Variants in PPP3CA observed in about 807,000 individuals in gnomAD.
PPP3CA encodes the protein CAM-PRP catalytic subunit.
Under a neutral mutation model 66.5 loss-of-function variants are expected in PPP3CA, and 14 were observed. The observed-to-expected ratio is 0.21, with a 90% CI of 0.14 to 0.33. The LOEUF (loss-of-function observed/expected upper bound fraction) is 0.33. Ranked by LOEUF, PPP3CA falls within the 10% of genes least tolerant of loss-of-function variation. PPP3CA has a pLI of 1.00. For synonymous variants in PPP3CA, 232 were observed against 226.2 expected (o/e 1.03, Z -0.23); for missense variants, 317 against 639.5 (o/e 0.50, Z 5.44).
At chr4:101,079,555 T>G (rs867920731) in intron 8 of PPP3CA, among the ~76,000 whole-genome samples, 14 of 151,574 alleles carry the variant, frequency 9.2e-5, no homozygotes, top group Non-Finnish European at 1.8e-4. Context: ...ATTTTTTGTG[T>G]TTTTTTTAGT....
At chr4:101,105,157 TCTTTTTTTTC>T (rs1214039200) in intron 3 of PPP3CA, among the ~76,000 whole-genome samples, 5 of 151,812 alleles carry the variant, frequency 3.3e-5, no homozygotes, top group Non-Finnish European at 7.4e-5. Context: ...CGTCTTTTTT[TCTTTTTTTTC>T]CTTTTTTTTT....
chr4:101,169,019 T>C (rs1318304312), intron 2 of PPP3CA, among the ~76,000 whole-genome samples: 2 of 152,174 alleles, frequency 1.3e-5, no homozygotes, highest in East Asian at 3.9e-4. Flanking sequence ...GAAACAATAA[T>C]AAAGCTACTT....
At chr4:101,094,337 T>C (rs1185024271) in intron 5 of PPP3CA, among the ~76,000 whole-genome samples, 1 of 152,192 alleles carries the variant, frequency 6.6e-6, no homozygotes, top group African/African-American at 2.4e-5. Flanking sequence ...TTTGGGAAAA[T>C]TCCTATTACT....
At chr4:101,085,986 T>G (rs1037420452) in intron 6 of PPP3CA, among the ~76,000 whole-genome samples, 3 of 152,146 alleles carry the variant, frequency 2.0e-5, no homozygotes, top group Non-Finnish European at 2.9e-5. Context: ...CAGTGATGAT[T>G]GTTCCATTTG....
chr4:101,047,762 C>T (rs758817908), intron 10 of PPP3CA, among the ~76,000 whole-genome samples: 6 of 151,922 alleles, frequency 3.9e-5, no homozygotes, highest in Non-Finnish European at 8.8e-5. Context: ...TTTGTCACTA[C>T]ATTATATGTT....
At chr4:101,027,093 C>T (rs1726690876) in intron 13 of PPP3CA, among the ~76,000 whole-genome samples, 2 of 152,122 alleles carry the variant, frequency 1.3e-5, no homozygotes, top group Admixed American at 1.3e-4. Flanking sequence ...TGGTGAGCTG[C>T]AAATAAAACA....
chr4:101,261,359 T>C lies in PPP3CA; in HGVS notation c.59-65243A>G, dbSNP rs149105743. On this transcript the variant is annotated intron_variant, in intron 1 of 13. Transcript: ENST00000394854. ...ATACCATAAAAGAAGGCAACATATC[T>C]AGCACTGAGCACTCCAGACTCAAAT... 8.2e-3 allele frequency among the ~76,000 whole-genome samples: 1,252 copies of C among 152,186 alleles called. 12 individuals carry two copies. The highest frequency in any genetic ancestry group is 0.02 in the Middle Eastern group (6 of 294).
intron 1 of PPP3CA, among the ~76,000 whole-genome samples, chr4:101,253,845 A>G (rs1726754032): frequency 6.6e-6 from 1 of 152,030 alleles, no homozygotes; most frequent in South Asian, 2.1e-4. Context: ...CCTCTCTTTT[A>G]CGATGCTCCT....
intron 10 of PPP3CA, among the ~76,000 whole-genome samples, chr4:101,041,584 A>T (rs1261111292): frequency 6.6e-6 from 1 of 151,804 alleles, no homozygotes; most frequent in East Asian, 1.9e-4. Flanking sequence ...GGCATGTGCC[A>T]CCAGGCCCAG....
intron 1 of PPP3CA, among the ~76,000 whole-genome samples, chr4:101,212,853 C>T (rs529927691): frequency 7.7e-4 from 117 of 151,934 alleles, no homozygotes; most frequent in Non-Finnish European, 1.3e-3. Flanking sequence ...AAAAAAAAAT[C>T]TGGGTGGGCA....
chr4:101,131,559 T>C (rs1722440361), intron 2 of PPP3CA, among the ~76,000 whole-genome samples: 1 of 152,048 alleles, frequency 6.6e-6, no homozygotes, highest in East Asian at 1.9e-4. Context: ...CTAACTATCC[T>C]AAATATATAT....
chr4:101,093,510 C>T (rs767028245), intron 6 of PPP3CA, among the ~76,000 whole-genome samples: 2 of 151,754 alleles, frequency 1.3e-5, no homozygotes, highest in Non-Finnish European at 2.9e-5. Context: ...TAATGACTTG[C>T]TTTATTGCAA....
intron 2 of PPP3CA, among the ~76,000 whole-genome samples, chr4:101,153,737 G>A (rs1290257298): frequency 6.6e-6 from 1 of 152,124 alleles, no homozygotes; most frequent in African/African-American, 2.4e-5. Context: ...CTAGCAAAAA[G>A]GAATTTTATG....
intron 6 of PPP3CA, among the ~76,000 whole-genome samples, chr4:101,092,530 G>T (rs1366782584): frequency 6.6e-6 from 1 of 151,310 alleles, no homozygotes; most frequent in African/African-American, 2.4e-5. Context: ...GCGGTTTGTT[G>T]CACCCATCAA....
intron 6 of PPP3CA, among the ~76,000 whole-genome samples, chr4:101,085,268 C>T (rs1298085802): frequency 6.6e-6 from 1 of 152,126 alleles, no homozygotes; most frequent in Non-Finnish European, 1.5e-5. Context: ...GTCTTGTTAC[C>T]ACTGTCAGAC....
intron 1 of PPP3CA, among the ~76,000 whole-genome samples, chr4:101,283,945 T>C (rs988430526): frequency 2.6e-5 from 4 of 152,200 alleles, no homozygotes; most frequent in Non-Finnish European, 4.4e-5. Context: ...AGTTTACATT[T>C]AAATTAATTA....
chr4:101,300,063 G>A lies in PPP3CA; in HGVS notation c.58+46676C>T, dbSNP rs148424280. Among the ~76,000 whole-genome samples, 13 of 152,258 alleles carry A rather than the reference G, an allele frequency of 8.5e-5. 1 individual carries two copies. The highest frequency in any genetic ancestry group is 4.2e-4 in the South Asian group (2 of 4,818). ...CAGAAACATAGTCTACTAAGAAGGC[G>A]GGGTGGAGGAAGTAAATAAGCAGAT... On this transcript the variant is annotated intron_variant, in intron 1 of 13. Transcript: ENST00000394854.
chr4:101,227,934 GTGTTTATT>G (rs1472144587), intron 1 of PPP3CA, among the ~76,000 whole-genome samples: 7 of 151,634 alleles, frequency 4.6e-5, no homozygotes, highest in Non-Finnish European at 2.9e-5. Context: ...GTATTCCATG[GTGTTTATT>G]TATCACATTT....
chr4:101,325,436 C>A (rs1318000439), intron 1 of PPP3CA, among the ~76,000 whole-genome samples: 1 of 152,038 alleles, frequency 6.6e-6, no homozygotes, highest in African/African-American at 2.4e-5. Context: ...GAAAAGATAC[C>A]ACAAGTCAAA....
Sources: gnomAD v4.1 joint callset for allele counts (sites outside exome capture counted in the v4.1 genomes callset) on GRCh38, gnomAD v4.1.1 for gene constraint, MANE v1.5 for transcripts, NCBI Gene and HGNC (gene_info 2026-07-23, HGNC 2026-07-21) for gene names.